Variants in ROCK2 observed in about 807,000 individuals in gnomAD.
ROCK2 encodes rho-associated protein kinase 2.
A neutral mutation model predicts 195.1 loss-of-function variants in ROCK2; 61 were observed. The ratio of observed to expected loss-of-function variants is 0.31; its 90% CI spans 0.25 to 0.39. The LOEUF is 0.39. Among genes scored for constraint, ROCK2 ranks in the 10% least tolerant of loss-of-function variants. The pLI is 1.00. For missense variants in ROCK2, 1,109 were observed against 1,637.4 expected, an observed-to-expected ratio of 0.68 and a Z score of 5.57; for synonymous variants, 504 against 545.5, an observed-to-expected ratio of 0.92 and a Z score of 1.06.
intron 3 of ROCK2, among the ~76,000 whole-genome samples, chr2:11,277,983 T>G (rs1666883350): frequency 6.6e-6 from 1 of 152,206 alleles, no homozygotes; most frequent in African/African-American, 2.4e-5. Flanking sequence ...AAACTGCATA[T>G]ATTTATGGTG....
chr2:11,277,436 G>GT (rs70953380), intron 3 of ROCK2, among the ~76,000 whole-genome samples: 3 of 151,816 alleles, frequency 2.0e-5, no homozygotes, highest in African/African-American at 4.9e-5. Context: ...CATCCCCCAA[G>GT]AGTATACACT....
At chr2:11,290,091 C>T (rs1241282700) in intron 1 of ROCK2, among the ~76,000 whole-genome samples, 2 of 152,104 alleles carry the variant, frequency 1.3e-5, no homozygotes, top group African/African-American at 4.8e-5. Context: ...ATTTATTCTA[C>T]TTAGTATCAC....
At chr2:11,228,561 C>A (rs898153039) in intron 5 of ROCK2, among the ~76,000 whole-genome samples, 1 of 152,074 alleles carries the variant, frequency 6.6e-6, no homozygotes, top group Non-Finnish European at 1.5e-5. Flanking sequence ...AAATTATGAA[C>A]AAGACAGTGC....
rs558557450 is a variant in ROCK2 at position 11,326,806 on chromosome 2, A to C, written c.141+17190T>G. Reference sequence around the variant, plus strand: ...GGAAACATCTCATCCACTGAAATTGAAGGAAAGGAAGAACAAATGCTACGG... The same window carrying C: ...GGAAACATCTCATCCACTGAAATTGCAGGAAAGGAAGAACAAATGCTACGG... On this transcript the variant is annotated intron_variant, in intron 1 of 32. Transcript: ENST00000315872. Among the ~76,000 whole-genome samples the C allele has an allele frequency of 7.9e-4, 120 of 152,294 alleles. 1 individual carries two copies. The South Asian group carries it at 0.011, about 14-fold the overall frequency.
At chr2:11,237,171 T>C (rs1223067770) in intron 4 of ROCK2, among the ~76,000 whole-genome samples, 1 of 151,986 alleles carries the variant, frequency 6.6e-6, no homozygotes, top group Admixed American at 6.6e-5. Context: ...ACAAAAAATA[T>C]ATGTAAAATC....
At chr2:11,282,911 T>TA (rs148159936) in intron 3 of ROCK2, among the ~76,000 whole-genome samples, 6 of 150,300 alleles carry the variant, frequency 4.0e-5, no homozygotes, top group East Asian at 3.9e-4. Context: ...AACTAAACAA[T>TA]AAAAAAAAAT....
chr2:11,256,157 T>C (rs1299300492), intron 3 of ROCK2, among the ~76,000 whole-genome samples: 2 of 151,102 alleles, frequency 1.3e-5, no homozygotes, highest in Middle Eastern at 3.2e-3. Context: ...ATAGTTCACA[T>C]ACTTATATAT....
intron 32 of ROCK2, among the ~76,000 whole-genome samples, chr2:11,190,364 T>A (rs1294857811): frequency 9.2e-6 from 1 of 108,528 alleles, no homozygotes; most frequent in Admixed American, 1.0e-4. Context: ...CCAGAAGTTT[T>A]TTAAAAAAAA....
At chr2:11,211,597 A>T in intron 18 of ROCK2, 84 bp downstream of exon 18, 1 of 1,313,006 alleles carries the variant, frequency 7.6e-7, no homozygotes, top group Non-Finnish European at 1.0e-6. Context: ...AAATATAAAA[A>T]AAAATGTTTC....
At chr2:11,327,144 A>G (rs917079131) in intron 1 of ROCK2, among the ~76,000 whole-genome samples, 2 of 152,164 alleles carry the variant, frequency 1.3e-5, no homozygotes, top group African/African-American at 2.4e-5. Flanking sequence ...TCCAGAACTT[A>G]GGTTTTGCCA....
At chr2:11,313,598 T>C (rs1668104444) in intron 1 of ROCK2, among the ~76,000 whole-genome samples, 1 of 151,192 alleles carries the variant, frequency 6.6e-6, no homozygotes, top group Non-Finnish European at 1.5e-5. Context: ...GTGCTGTGTC[T>C]GCCTTTTGGG....
intron 1 of ROCK2, among the ~76,000 whole-genome samples, chr2:11,330,747 G>GGAGGGAGGAGGAA (rs1553319911): frequency 1.6e-5 from 1 of 61,744 alleles, no homozygotes; most frequent in Non-Finnish European, 4.1e-5. Flanking sequence ...GGAGGGAGGA[G>GGAGGGAGGAGGAA]GGAGGAGGAG....
chr2:11,262,766 C>T (rs995769257), intron 3 of ROCK2, among the ~76,000 whole-genome samples: 1 of 152,154 alleles, frequency 6.6e-6, no homozygotes, highest in African/African-American at 2.4e-5. Flanking sequence ...TTATTAGCAG[C>T]ATGAAAACAG....
At chr2:11,236,587 A>G (rs1665213903) in intron 4 of ROCK2, among the ~76,000 whole-genome samples, 1 of 152,182 alleles carries the variant, frequency 6.6e-6, no homozygotes, top group Non-Finnish European at 1.5e-5. Context: ...AGAAGATACC[A>G]GTCCAGGTTG....
At position 11,219,797 on chromosome 2, in the gene ROCK2, C is replaced by T. The variant is rs147828379; in HGVS notation, c.1260-771G>A. Among the ~76,000 whole-genome samples the T allele has an allele frequency of 9.9e-5, 15 of 151,616 alleles. No homozygotes were observed. The East Asian group carries it at 2.3e-3, about 24-fold the overall frequency. On this transcript the variant is annotated intron_variant, in intron 9 of 32. Transcript: ENST00000315872. Reference sequence around the variant, plus strand: ...CTTTCAGTGGCTTCCCAATGCCAGGCGGTCAAAAGCCCCTTAGCAGAGCAC... The same window carrying T: ...CTTTCAGTGGCTTCCCAATGCCAGGTGGTCAAAAGCCCCTTAGCAGAGCAC...
At chr2:11,292,965 C>T (rs1021419866) in intron 1 of ROCK2, among the ~76,000 whole-genome samples, 1 of 152,108 alleles carries the variant, frequency 6.6e-6, no homozygotes, top group African/African-American at 2.4e-5. Context: ...CTTTCCCAGC[C>T]ATGTAAGATA....
At position 11,192,570 on chromosome 2, in the gene ROCK2, C is replaced by T; in HGVS notation, c.3830G>A (p.Cys1277Tyr). The T allele has an allele frequency of 6.2e-7, 1 of 1,614,068 alleles. No individual in the cohort carries two copies. Among genetic ancestry groups the T allele is most frequent in the South Asian group, 1.1e-5 (1 of 91,072 alleles). Residue 1277 changes from cysteine (C) to tyrosine (Y), a missense_variant, in exon 31 of 33, where the codon TGT becomes TAT. Cys to Tyr is a radical substitution (Grantham distance 194). Transcript: ENST00000315872. The surrounding 1 kb of genome is among the most constrained non-coding windows in gnomAD (Gnocchi z 5.0). ...AAACATGTGCCACAGGGGCTTCATA[C>T]AAGCCTCACAGTTGGTTGGGAAATG... ...LYHFPTNCEACMKPLWHMFKP... is the reference protein window; with the variant it reads ...LYHFPTNCEAYMKPLWHMFKP...
In ROCK2 at chr2:11,273,153, GAAATAAATTCTTCTTCCCAGT is replaced by G. The variant is rs1343617338; in HGVS notation, c.324+13365_324+13385del. 1.6e-3 allele frequency among the ~76,000 whole-genome samples: 106 copies of G among 67,908 alleles called. 1 individual carries two copies. Among genetic ancestry groups the G allele is most frequent in the African/African-American group, 5.3e-3 (100 of 18,952 alleles). 44.6% of individuals were successfully genotyped at this position (67,908 alleles called of 152,430 possible). On this transcript the variant is annotated intron_variant, in intron 3 of 32. Transcript: ENST00000315872. The stretch of plus-strand genomic sequence containing the variant: ...ATAGAAAACAAATAGCAAAATAACA[GAAATAAATTCTTCTTCCCAGT>G]AATGACATTCAATGTAAGTGAGTTA...
At chr2:11,345,259 G>A (rs1247239250), upstream of ROCK2, among the ~76,000 whole-genome samples, 1 of 152,188 alleles carries the variant, frequency 6.6e-6, no homozygotes, top group East Asian at 1.9e-4. Flanking sequence ...GTTTCTGCCC[G>A]GCTTAGACAC....
Sources: allele counts gnomAD v4.1 joint callset (sites outside exome capture counted in the v4.1 genomes callset), GRCh38; gene constraint gnomAD v4.1.1; non-coding constraint Gnocchi (gnomAD v3.1); transcripts MANE v1.5; gene names NCBI Gene and HGNC (gene_info 2026-07-23, HGNC 2026-07-21).